RERE: variants seen among roughly 807,000 people sequenced by gnomAD.
RERE encodes the protein arginine-glutamic acid dipeptide repeats, also known as arginine-glutamic acid dipeptide repeats protein.
In RERE, 40 loss-of-function variants were observed where a neutral mutation model predicts 146.1. The ratio of observed to expected loss-of-function variants is 0.27; its 90% CI spans 0.21 to 0.36. RERE has a LOEUF of 0.36. Among genes scored for constraint, RERE ranks in the 10% least tolerant of loss-of-function variants. The pLI is 1.00. For synonymous variants in RERE, 1,003 were observed against 866.0 expected, an observed-to-expected ratio of 1.16 and a Z score of -2.78; for missense variants, 1,933 against 2,138.7, an observed-to-expected ratio of 0.90 and a Z score of 1.90.
intron 1 of RERE, among the ~76,000 whole-genome samples, chr1:8,694,927 T>C (rs962040344): frequency 8.5e-6 from 1 of 117,516 alleles, no homozygotes; most frequent in African/African-American, 3.2e-5. Flanking sequence ...AATTCTAAAA[T>C]TCATATGAAA....
Position 8,574,629 on chromosome 1 carries a change from CAA to C in RERE, c.523-17108_523-17107del, listed in dbSNP as rs1646267647. 3.3e-5 allele frequency among the ~76,000 whole-genome samples: 5 copies of C among 152,256 alleles called. No individual in the cohort carries two copies. The South Asian group carries it at 1.0e-3, about 32-fold the overall frequency. On this transcript the variant is annotated intron_variant, in intron 4 of 22. Transcript: ENST00000400908. ...ATAGAAATGAAAATACTGCAACTTA[CAA>C]AAACATGAATTTCACAAACATGCTA...
intron 11 of RERE, among the ~76,000 whole-genome samples, chr1:8,441,950 T>TTTTTTTTTTTTTTTTGAGACGGAGTCTC (rs1295131605): frequency 6.6e-6 from 1 of 151,486 alleles, no homozygotes; most frequent in Non-Finnish European, 1.5e-5. Flanking sequence ...CACTTTTTGT[T>TTTTTTTTTTTTTTTTGAGACGGAGTCTC]GCAGGGAAGT....
chr1:8,421,020 T>C (rs1433574717), intron 12 of RERE, among the ~76,000 whole-genome samples: 1 of 152,244 alleles, frequency 6.6e-6, no homozygotes, highest in Non-Finnish European at 1.5e-5. Flanking sequence ...GATAAAACAC[T>C]AAGTAAAATT....
At chr1:8,434,773 C>G (rs771562566) in intron 11 of RERE, 8 of 152,290 alleles carry the variant, frequency 5.3e-5, no homozygotes, top group Non-Finnish European at 1.0e-4. Context: ...CCTAAAGTCA[C>G]CACGCTGGAG....
At chr1:8,610,831 C>A (rs1430935147) in intron 4 of RERE, among the ~76,000 whole-genome samples, 1 of 151,212 alleles carries the variant, frequency 6.6e-6, no homozygotes, top group Non-Finnish European at 1.5e-5. Context: ...TCCTATGTTA[C>A]CAAGAAACAT....
At chr1:8,746,203 T>C (rs1291980753) in intron 1 of RERE, among the ~76,000 whole-genome samples, 2 of 152,266 alleles carry the variant, frequency 1.3e-5, no homozygotes, top group Non-Finnish European at 2.9e-5. Context: ...TTTATATCTC[T>C]GTTCAAAGAG....
In RERE at chr1:8,364,330, T is replaced by C; in HGVS notation, c.1541-75A>G. ...TGGGGATGTCTGGGCAGAGGGGCCC[T>C]TCTGTGGGCTCTACCCAAACCTGAT... is the stretch of plus-strand genomic sequence containing the variant. On this transcript the variant is annotated intron_variant, in intron 14 of 22. Transcript: ENST00000400908. The surrounding 1 kb of genome is among the most constrained non-coding windows in gnomAD (Gnocchi z 5.1). 7.4e-7 allele frequency: 1 copy of C among 1,352,662 alleles called. No individual in the cohort carries two copies. The highest frequency in any genetic ancestry group is 1.1e-6 in the Non-Finnish European group (1 of 949,640). The allele number at this position is 1,352,662 out of a possible 1,614,324, so 83.8% of individuals were successfully genotyped here. A position where few individuals can be genotyped will look rare whatever the true frequency, so the allele number is the denominator to read the frequency against.
At chr1:8,725,959 G>A (rs1639955172) in intron 1 of RERE, among the ~76,000 whole-genome samples, 1 of 140,878 alleles carries the variant, frequency 7.1e-6, no homozygotes, top group East Asian at 2.0e-4. Context: ...GTCAAAATAA[G>A]TCAAACTCTT....
intron 11 of RERE, chr1:8,424,760 G>C (rs1362431940): frequency 6.6e-6 from 1 of 152,528 alleles, no homozygotes; most frequent in Non-Finnish European, 1.5e-5. Context: ...AGGGTGGTGG[G>C]TGAAGCTAGG....
intron 1 of RERE, among the ~76,000 whole-genome samples, chr1:8,727,324 T>G (rs756102492): frequency 5.9e-5 from 9 of 151,358 alleles, no homozygotes; most frequent in Non-Finnish European, 1.3e-4. Flanking sequence ...GTATTTTTCA[T>G]AGAGACAGAA....
At chr1:8,403,522 C>T (rs557288471) in intron 12 of RERE, among the ~76,000 whole-genome samples, 1 of 151,222 alleles carries the variant, frequency 6.6e-6, no homozygotes, top group South Asian at 2.1e-4. Flanking sequence ...CCCACCACCA[C>T]ACCCAGCTAA....
chr1:8,750,173 T>C (rs947368595), intron 1 of RERE, among the ~76,000 whole-genome samples: 3 of 87,150 alleles, frequency 3.4e-5, no homozygotes, highest in African/African-American at 1.2e-4. Flanking sequence ...AAAAAAAGAA[T>C]GGATTATAGA....
In RERE at chr1:8,358,248, G is replaced by A. The variant is rs755886990; in HGVS notation, c.4287C>T (p.His1429=). ...MFNVTPHHHQ[H]SHIHSHLHLH... ...GGTGGAGGTGGGAGTGAATGTGAGA[G>A]TGCTGGTGATGGTGCGGAGTCACGT... Residue 1429 remains histidine (H), a synonymous_variant, in exon 20 of 23, where the codon CAC becomes CAT. Transcript: ENST00000400908. 5.5e-5 allele frequency: 89 copies of A among 1,610,450 alleles called. No homozygotes were observed. Among genetic ancestry groups the A allele is most frequent in the Non-Finnish European group, 7.5e-5 (88 of 1,177,082 alleles).
intron 12 of RERE, among the ~76,000 whole-genome samples, chr1:8,413,050 G>A (rs754774430): frequency 7.2e-5 from 11 of 152,246 alleles, no homozygotes; most frequent in South Asian, 6.2e-4. Flanking sequence ...GAGTTTTCAC[G>A]TCTTAGGACC....
intron 10 of RERE, among the ~76,000 whole-genome samples, chr1:8,491,184 T>G (rs1409231686): frequency 2.7e-5 from 4 of 150,612 alleles, no homozygotes; most frequent in African/African-American, 1.0e-4. Context: ...CTCACGCCTG[T>G]AATCCCAGAA....
chr1:8,385,684 A>G (rs912311568), intron 12 of RERE, among the ~76,000 whole-genome samples: 3 of 151,824 alleles, frequency 2.0e-5, no homozygotes, highest in Admixed American at 1.3e-4. Context: ...CTTGAAGGGA[A>G]GCCTTCTACC....
intron 12 of RERE, among the ~76,000 whole-genome samples, chr1:8,369,508 T>TTAAAAAAAAAAA (rs1285019668): frequency 3.9e-5 from 3 of 76,892 alleles, no homozygotes; most frequent in Non-Finnish European, 2.6e-5. Context: ...CGCCTTTTAC[T>TTAAAAAAAAAAA]AAAAAAAAAA....
At chr1:8,559,896 A>G (rs933361570) in intron 4 of RERE, among the ~76,000 whole-genome samples, 1 of 152,194 alleles carries the variant, frequency 6.6e-6, no homozygotes, top group East Asian at 1.9e-4. Context: ...TCGCCAGGAC[A>G]TGGGAGAGCA....
rs1641018284 is a variant in RERE at position 8,774,409 on chromosome 1, AATGGCGCG to A, written c.-145+42743_-145+42750del. On this transcript the variant is annotated intron_variant, in intron 1 of 22. Transcript: ENST00000400908. ...GCTCTTGTTGCCCAGGCTGGAGTGC[AATGGCGCG>A]ATCTCGGCTCACCCCAACCTCCGCC... Among the ~76,000 whole-genome samples the A allele has an allele frequency of 4.4e-5, 6 of 135,886 alleles. No individual in the cohort carries two copies. The South Asian group carries it at 1.4e-3, about 31-fold the overall frequency. The allele number at this position is 135,886 out of a possible 152,430, so 89.1% of individuals were successfully genotyped here. A position where few individuals can be genotyped will look rare whatever the true frequency, so the allele number is the denominator to read the frequency against.
Sources: allele counts gnomAD v4.1 joint callset (sites outside exome capture counted in the v4.1 genomes callset), GRCh38; gene constraint gnomAD v4.1.1; non-coding constraint Gnocchi (gnomAD v3.1); transcripts MANE v1.5; gene names NCBI Gene and HGNC (gene_info 2026-07-23, HGNC 2026-07-21).